Variants in BMPR1B observed in about 807,000 individuals in gnomAD.
BMPR1B encodes the protein bone morphogenetic protein receptor type-1B.
In BMPR1B, 12 loss-of-function variants were observed where a neutral mutation model predicts 59.1. The ratio of observed to expected loss-of-function variants is 0.20; its 90% CI spans 0.13 to 0.33. The LOEUF (loss-of-function observed/expected upper bound fraction) is 0.33. BMPR1B is among the 10% of genes least tolerant of loss of function. The pLI is 1.00. For missense variants in BMPR1B, 550 were observed against 610.9 expected (o/e 0.90, Z 1.05); for synonymous variants, 237 against 207.3 (o/e 1.14, Z -1.23).
At chr4:94,824,791 A>G (rs1724326580) in intron 1 of BMPR1B, among the ~76,000 whole-genome samples, 1 of 152,172 alleles carries the variant, frequency 6.6e-6, no homozygotes, top group South Asian at 2.1e-4. Flanking sequence ...TATTGGGTAA[A>G]TTTTTATTTT....
intron 1 of BMPR1B, among the ~76,000 whole-genome samples, chr4:94,769,440 GT>G (rs1311825088): frequency 1.3e-5 from 2 of 152,112 alleles, no homozygotes; most frequent in African/African-American, 4.8e-5. Flanking sequence ...GTGAAACCCT[GT>G]CTCTACTAAA....
chr4:94,828,933 A>G (rs937708917), intron 1 of BMPR1B, among the ~76,000 whole-genome samples: 1 of 152,042 alleles, frequency 6.6e-6, no homozygotes, highest in African/African-American at 2.4e-5. Flanking sequence ...TATTCTGAGT[A>G]GTGATATTTA....
At chr4:94,896,272 C>T (rs1336251543) in intron 2 of BMPR1B, among the ~76,000 whole-genome samples, 1 of 151,860 alleles carries the variant, frequency 6.6e-6, no homozygotes. Flanking sequence ...ATATACGTAG[C>T]CCAAGAGTAC....
intron 1 of BMPR1B, among the ~76,000 whole-genome samples, chr4:94,844,273 C>G (rs917725604): frequency 6.6e-6 from 1 of 151,110 alleles, no homozygotes; most frequent in Non-Finnish European, 1.5e-5. Flanking sequence ...TCTAGTTCGA[C>G]TCTTCTTCCT....
chr4:94,961,067 T>C (rs1489345601), intron 2 of BMPR1B, among the ~76,000 whole-genome samples: 1 of 152,076 alleles, frequency 6.6e-6, no homozygotes, highest in Non-Finnish European at 1.5e-5. Context: ...CTGTCTGTTA[T>C]CTGTGGATTT....
At chr4:94,955,232 C>T (rs1319739857) in intron 2 of BMPR1B, among the ~76,000 whole-genome samples, 1 of 152,218 alleles carries the variant, frequency 6.6e-6, no homozygotes, top group African/African-American at 2.4e-5. Context: ...GAGTTGCTTC[C>T]TTCAGGGCTT....
intron 4 of BMPR1B, among the ~76,000 whole-genome samples, chr4:95,110,450 C>T (rs980894928): frequency 2.0e-5 from 3 of 152,050 alleles, no homozygotes; most frequent in Non-Finnish European, 2.9e-5. Context: ...GGTACTTCGT[C>T]GTTAATGTTG....
chr4:95,132,856 A>T (rs1202028591), intron 10 of BMPR1B, among the ~76,000 whole-genome samples: 1 of 152,140 alleles, frequency 6.6e-6, no homozygotes, highest in Non-Finnish European at 1.5e-5. Flanking sequence ...GGGCTTGGTC[A>T]CCAGAGGCCT....
At chr4:95,038,276 T>C (rs565779169) in intron 3 of BMPR1B, among the ~76,000 whole-genome samples, 3 of 152,232 alleles carry the variant, frequency 2.0e-5, no homozygotes, top group South Asian at 2.1e-4. Flanking sequence ...GAGGTAGCAA[T>C]TGGAAGCCAG....
intron 11 of BMPR1B, among the ~76,000 whole-genome samples, chr4:95,151,933 TA>T (rs1457268279): frequency 6.6e-6 from 1 of 152,124 alleles, no homozygotes; most frequent in African/African-American, 2.4e-5. Context: ...AGGTAGAAAT[TA>T]AATACTAGGA....
intron 1 of BMPR1B, among the ~76,000 whole-genome samples, chr4:94,871,282 A>T (rs1726486188): frequency 6.6e-6 from 1 of 152,234 alleles, no homozygotes; most frequent in African/African-American, 2.4e-5. Context: ...GCTAATGCGT[A>T]CATCCTTTGT....
intron 2 of BMPR1B, among the ~76,000 whole-genome samples, chr4:94,977,851 AAAG>A (rs575884306): frequency 2.8e-4 from 42 of 152,326 alleles, no homozygotes; most frequent in African/African-American, 7.9e-4. Flanking sequence ...AAGAAAAAGA[AAAG>A]AAGCAAAAGG....
At chr4:94,772,376 A>C (rs1194689180) in intron 1 of BMPR1B, among the ~76,000 whole-genome samples, 1 of 151,556 alleles carries the variant, frequency 6.6e-6, no homozygotes, top group Non-Finnish European at 1.5e-5. Flanking sequence ...ACTGTAAAAA[A>C]AGAAATCTTT....
chr4:95,149,458 AT>A (rs1310705806), intron 11 of BMPR1B, among the ~76,000 whole-genome samples: 33 of 152,238 alleles, frequency 2.2e-4, no homozygotes, highest in South Asian at 4.2e-4. Context: ...TCAGAGTATT[AT>A]TTTTTTATAT....
chr4:94,915,936 A>G (rs932222695), intron 2 of BMPR1B, among the ~76,000 whole-genome samples: 6 of 152,110 alleles, frequency 3.9e-5, no homozygotes, highest in African/African-American at 1.4e-4. Context: ...GGTCATTTAA[A>G]AGTGTGTGGC....
At chr4:94,847,302 G>A (rs2148942858) in intron 1 of BMPR1B, among the ~76,000 whole-genome samples, 1 of 152,336 alleles carries the variant, frequency 6.6e-6, no homozygotes, top group East Asian at 1.9e-4. Flanking sequence ...TGTTGAGGAT[G>A]TAGAGATATG....
In BMPR1B at chr4:94,816,313, GTTTTC is replaced by G. The variant is rs541233007; in HGVS notation, c.-183+58265_-183+58269del. Among the ~76,000 whole-genome samples the G allele has an allele frequency of 1.5e-3, 227 of 152,006 alleles. 1 individual carries two copies. Among genetic ancestry groups the G allele is most frequent in the Middle Eastern group, 6.8e-3 (2 of 294 alleles). On this transcript the variant is annotated intron_variant, in intron 1 of 12. Coordinates refer to ENST00000515059, the MANE Select transcript of BMPR1B (RefSeq NM_001203.3). ...AGGTGCACGCCACCAGGCCCGGCTA[GTTTTC>G]TTTTCTTTTCTTTTCTTTTTTGTAT...
intron 1 of BMPR1B, among the ~76,000 whole-genome samples, chr4:94,764,225 A>G (rs548868185): frequency 5.3e-5 from 8 of 152,134 alleles, no homozygotes; most frequent in Non-Finnish European, 7.4e-5. Flanking sequence ...TGGATGAACA[A>G]CTTTGACTTC....
In BMPR1B at chr4:95,157,230, T is replaced by C. The variant is rs2149336164; in HGVS notation, c.*2557T>C. Reference sequence around the variant, plus strand: ...ACTATTAATATTTTAAAAACATTCCTGAGATACTTAAAAAGACCCACTTAG... The same window carrying C: ...ACTATTAATATTTTAAAAACATTCCCGAGATACTTAAAAAGACCCACTTAG... On this transcript the variant is annotated 3_prime_UTR_variant, in exon 13 of 13. Transcript: ENST00000515059. 1 of 152,260 alleles carries C rather than the reference T, an allele frequency of 6.6e-6. No individual in the cohort carries two copies. The highest frequency in any genetic ancestry group is 2.1e-4 in the South Asian group (1 of 4,828). 9.4% of individuals were successfully genotyped at this position (152,260 alleles called of 1,614,324 possible).
Sources: allele counts gnomAD v4.1 joint callset (sites outside exome capture counted in the v4.1 genomes callset), GRCh38; gene constraint gnomAD v4.1.1; transcripts MANE v1.5; gene names NCBI Gene and HGNC (gene_info 2026-07-23, HGNC 2026-07-21).